ADK: variants seen among roughly 807,000 people sequenced by gnomAD.
ADK encodes adenosine kinase.
ADK carries 24 observed loss-of-function variants against 44.7 expected under a neutral mutation model. The ratio of observed to expected loss-of-function variants is 0.54; its 90% CI spans 0.39 to 0.76. The LOEUF is 0.76. Among genes scored for constraint, ADK ranks in the 30% least tolerant of loss-of-function variants. ADK has a pLI of 0.00. For synonymous variants in ADK, 128 were observed against 142.6 expected, an observed-to-expected ratio of 0.90 and a Z score of 0.73; for missense variants, 321 against 425.1, an observed-to-expected ratio of 0.76 and a Z score of 2.15.
chr10:74,662,219 C>T (rs1033777688), intron 9 of ADK, among the ~76,000 whole-genome samples: 11 of 152,086 alleles, frequency 7.2e-5, no homozygotes, highest in African/African-American at 1.9e-4. Flanking sequence ...TGGTAAGTAG[C>T]GTTATTGACC....
At chr10:74,325,054 G>A (rs1344902357) in intron 4 of ADK, among the ~76,000 whole-genome samples, 2 of 151,918 alleles carry the variant, frequency 1.3e-5, no homozygotes, top group African/African-American at 4.8e-5. Flanking sequence ...ATTTGAGAGG[G>A]TTTACTTTGA....
intron 6 of ADK, among the ~76,000 whole-genome samples, chr10:74,442,838 AGAAG>A (rs1295964710): frequency 6.6e-6 from 1 of 152,222 alleles, no homozygotes; most frequent in Non-Finnish European, 1.5e-5. Flanking sequence ...ACCTTAAAAA[AGAAG>A]GAAATCCTGC....
At chr10:74,621,482 A>G (rs772783043) in intron 9 of ADK, among the ~76,000 whole-genome samples, 6 of 152,050 alleles carry the variant, frequency 3.9e-5, no homozygotes, top group Non-Finnish European at 7.4e-5. Context: ...GCTTTGTCAT[A>G]TATTTTGAAG....
At chr10:74,578,106 A>G (rs907139405) in intron 7 of ADK, among the ~76,000 whole-genome samples, 3 of 124,994 alleles carry the variant, frequency 2.4e-5, no homozygotes, top group African/African-American at 1.3e-4. Flanking sequence ...GATGTGGAAA[A>G]TATATAAAAG....
chr10:74,437,448 A>G (rs1160412442), intron 6 of ADK, among the ~76,000 whole-genome samples: 1 of 152,188 alleles, frequency 6.6e-6, no homozygotes, highest in Admixed American at 6.6e-5. Flanking sequence ...CTTATGTTTA[A>G]TACATCTCTG....
rs367982701 is a variant in ADK at position 74,598,440 on chromosome 10, C to CTTTTTTT, written c.763-1939_763-1938insTTTTTTT. Reference sequence around the variant, plus strand: ...TAGAAAGCAACCATGGAATCTTATTCCTTTTTTTTTTTTTTTTTTTTTTTT... The same window carrying CTTTTTTT: ...TAGAAAGCAACCATGGAATCTTATTCTTTTTTTCTTTTTTTTTTTTTTTTTTTTTTTT... On this transcript the variant is annotated intron_variant, in intron 8 of 10. Coordinates refer to ENST00000539909, the MANE Select transcript of ADK (RefSeq NM_006721.4). 3.7e-4 allele frequency among the ~76,000 whole-genome samples: 42 copies of CTTTTTTT among 114,052 alleles called. 6 individuals are homozygous for CTTTTTTT. Among genetic ancestry groups the CTTTTTTT allele is most frequent in the East Asian group, 1.1e-3 (3 of 2,742 alleles). The allele number at this position is 114,052 out of a possible 152,430, so 74.8% of individuals were successfully genotyped here.
chr10:74,290,238 T>C (rs1847358813), intron 3 of ADK, among the ~76,000 whole-genome samples: 2 of 152,184 alleles, frequency 1.3e-5, no homozygotes, highest in Admixed American at 1.3e-4. Context: ...TGCTTCTTTA[T>C]ACTCTTCCTG....
At chr10:74,164,773 A>G (rs532280900) in intron 1 of ADK, among the ~76,000 whole-genome samples, 1 of 152,216 alleles carries the variant, frequency 6.6e-6, no homozygotes, top group South Asian at 2.1e-4. Context: ...TAGCATTCCT[A>G]CATTTTTCAA....
intron 6 of ADK, among the ~76,000 whole-genome samples, chr10:74,463,124 A>G (rs544002527): frequency 6.6e-6 from 1 of 152,152 alleles, no homozygotes; most frequent in Admixed American, 6.5e-5. Context: ...ACTATTTATT[A>G]GATTCACCAG....
chr10:74,200,886 G>T (rs757995503), intron 2 of ADK, 48 bp downstream of exon 2: 38 of 1,240,282 alleles, frequency 3.1e-5, no homozygotes, highest in Non-Finnish European at 2.4e-6. Context: ...TACATTTGAA[G>T]AAGAATGGAT....
At chr10:74,475,849 T>G (rs1388795878) in intron 6 of ADK, among the ~76,000 whole-genome samples, 1 of 150,440 alleles carries the variant, frequency 6.6e-6, no homozygotes, top group Non-Finnish European at 1.5e-5. Flanking sequence ...GGAAGGTAGG[T>G]GGGAAGGTGT....
At chr10:74,444,357 T>C (rs1374771110) in intron 6 of ADK, among the ~76,000 whole-genome samples, 1 of 152,148 alleles carries the variant, frequency 6.6e-6, no homozygotes, top group Non-Finnish European at 1.5e-5. Context: ...CAGAGTTGTC[T>C]GTTTTCTATT....
At chr10:74,450,047 T>C (rs1040201612) in intron 6 of ADK, among the ~76,000 whole-genome samples, 11 of 152,294 alleles carry the variant, frequency 7.2e-5, no homozygotes, top group Non-Finnish European at 1.3e-4. Context: ...GTCTCACATC[T>C]GTAATCCCAG....
chr10:74,699,789 T>C (rs1045997054), intron 10 of ADK, among the ~76,000 whole-genome samples: 1 of 152,208 alleles, frequency 6.6e-6, no homozygotes, highest in Non-Finnish European at 1.5e-5. Context: ...TATAAAAAGA[T>C]GTTCAGCTTC....
intron 3 of ADK, among the ~76,000 whole-genome samples, chr10:74,312,769 C>A (rs1387240219): frequency 1.3e-5 from 2 of 150,042 alleles, no homozygotes; most frequent in African/African-American, 4.9e-5. Context: ...AAAAAATTAG[C>A]CAAGTGTGGT....
chr10:74,372,515 C>A, intron 4 of ADK: 2 of 367,400 alleles, frequency 5.4e-6, no homozygotes, highest in South Asian at 6.7e-5. Context: ...GCAAGGTTGA[C>A]AGATAAAATA....
rs1052685646 is a variant in ADK at position 74,238,150 on chromosome 10, C to T, written c.194+13559C>T. On this transcript the variant is annotated intron_variant, in intron 3 of 10. Coordinates refer to ENST00000539909, the MANE Select transcript of ADK (RefSeq NM_006721.4). ...CCAGGATTACAGGCATGAGCCACCG[C>T]GCCTGTCTGTCCGCCCGTCTTCTTT... 5.3e-5 allele frequency among the ~76,000 whole-genome samples: 8 copies of T among 152,140 alleles called. No individual in the cohort carries two copies. In the East Asian group the frequency reaches 5.8e-4, roughly 11 times the overall value.
At chr10:74,221,538 A>T (rs1352545656) in intron 2 of ADK, among the ~76,000 whole-genome samples, 2 of 151,754 alleles carry the variant, frequency 1.3e-5, no homozygotes, top group South Asian at 2.1e-4. Flanking sequence ...TTCATATGGA[A>T]CCAAAAAAGA....
chr10:74,306,684 A>G (rs2132540438), intron 3 of ADK, among the ~76,000 whole-genome samples: 1 of 152,266 alleles, frequency 6.6e-6, no homozygotes, highest in East Asian at 1.9e-4. Flanking sequence ...CCTTAATAAA[A>G]ATTAAGGGTT....
Sources: allele counts gnomAD v4.1 joint callset (sites outside exome capture counted in the v4.1 genomes callset), GRCh38; gene constraint gnomAD v4.1.1; transcripts MANE v1.5; gene names NCBI Gene and HGNC (gene_info 2026-07-23, HGNC 2026-07-21).